The following DPP10 variants were observed in gnomAD, a reference collection of about 807,000 sequenced individuals.
DPP10 encodes the protein dipeptidyl peptidase like 10.
In DPP10, 33 loss-of-function variants were observed where a neutral mutation model predicts 120.9. The observed-to-expected ratio is 0.27, with a 90% CI of 0.21 to 0.37. DPP10 has a LOEUF of 0.37. Ranked by LOEUF, DPP10 falls within the 10% of genes least tolerant of loss-of-function variation. DPP10 has a pLI of 1.00. For missense variants in DPP10, 816 were observed against 942.8 expected (o/e 0.87, Z 1.76); for synonymous variants, 337 against 326.1 (o/e 1.03, Z -0.36).
chr2:115,384,582 G>A (rs13012913), intron 3 of DPP10, among the ~76,000 whole-genome samples: 4 of 131,698 alleles, frequency 3.0e-5, no homozygotes, highest in South Asian at 4.9e-4. Context: ...AAGAGGAAGA[G>A]GAGGAAAAGG....
intron 5 of DPP10, among the ~76,000 whole-genome samples, chr2:115,672,036 A>G (rs1312715528): frequency 6.6e-6 from 1 of 152,248 alleles, no homozygotes; most frequent in East Asian, 1.9e-4. Context: ...GAGATTGTCT[A>G]CCATCATATA....
intron 3 of DPP10, among the ~76,000 whole-genome samples, chr2:115,395,791 G>T (rs2067636786): frequency 6.6e-6 from 1 of 151,582 alleles, no homozygotes; most frequent in Non-Finnish European, 1.5e-5. Flanking sequence ...GATCCATACA[G>T]CTCGATTGTC....
chr2:114,706,875 G>A (rs1277941094), intron 1 of DPP10, among the ~76,000 whole-genome samples: 1 of 151,470 alleles, frequency 6.6e-6, no homozygotes, highest in Non-Finnish European at 1.5e-5. Context: ...ATTCTCCCAA[G>A]GAGGGGGATG....
In DPP10 at chr2:114,901,792, C is replaced by T. The variant is rs1443023801; in HGVS notation, c.61-407447C>T. On this transcript the variant is annotated intron_variant, in intron 1 of 25. Transcript: ENST00000410059. ...ATTTTAAAGAAGTGGGATCAAGAAC[C>T]TTAAGCTCTTTCTTCAAATAATAAT... 3.3e-5 allele frequency among the ~76,000 whole-genome samples: 5 copies of T among 152,288 alleles called. No homozygotes were observed. The East Asian group carries it at 7.7e-4, about 24-fold the overall frequency.
chr2:115,039,157 T>C (rs1704449233), intron 1 of DPP10, among the ~76,000 whole-genome samples: 1 of 151,948 alleles, frequency 6.6e-6, no homozygotes, highest in Admixed American at 6.5e-5. Context: ...GTAGGGAACT[T>C]AACATTTCTT....
intron 1 of DPP10, among the ~76,000 whole-genome samples, chr2:115,040,874 T>G (rs1704586297): frequency 6.6e-6 from 1 of 152,118 alleles, no homozygotes; most frequent in African/African-American, 2.4e-5. Flanking sequence ...ATCCCAGCAC[T>G]TTGGGAGGCT....
chr2:115,689,460 A>G (rs919121235), intron 5 of DPP10, among the ~76,000 whole-genome samples: 3 of 152,196 alleles, frequency 2.0e-5, no homozygotes, highest in Non-Finnish European at 4.4e-5. Context: ...CATAATCACA[A>G]TTATACTCAG....
At chr2:115,722,265 A>AT (rs540419163) in intron 7 of DPP10, among the ~76,000 whole-genome samples, 38 of 151,632 alleles carry the variant, frequency 2.5e-4, no homozygotes, top group African/African-American at 8.5e-4. Flanking sequence ...TTATCACACA[A>AT]TTTTTTTAAC....
intron 1 of DPP10, among the ~76,000 whole-genome samples, chr2:115,214,850 C>G (rs2056725674): frequency 6.6e-6 from 1 of 152,136 alleles, no homozygotes; most frequent in Admixed American, 6.5e-5. Flanking sequence ...CCCTTGCTTC[C>G]TTTGACCCCC....
chr2:115,374,985 C>T (rs1305892808), intron 3 of DPP10, among the ~76,000 whole-genome samples: 2 of 152,234 alleles, frequency 1.3e-5, no homozygotes, highest in Non-Finnish European at 2.9e-5. Flanking sequence ...CATTTTTCTC[C>T]ATTGTCTTGG....
At chr2:115,489,394 A>T (rs1247970157) in intron 3 of DPP10, among the ~76,000 whole-genome samples, 1 of 151,678 alleles carries the variant, frequency 6.6e-6, no homozygotes, top group Non-Finnish European at 1.5e-5. Flanking sequence ...AAACCTGAAA[A>T]CCTGAATTCC....
intron 1 of DPP10, among the ~76,000 whole-genome samples, chr2:114,858,536 C>A (rs548478381): frequency 6.6e-6 from 1 of 152,160 alleles, no homozygotes; most frequent in Admixed American, 6.5e-5. Context: ...TTGATTGTAT[C>A]TGAGGCTGAG....
intron 3 of DPP10, among the ~76,000 whole-genome samples, chr2:115,395,784 C>T (rs1210561054): frequency 6.6e-6 from 1 of 151,794 alleles, no homozygotes; most frequent in Non-Finnish European, 1.5e-5. Context: ...TCTAATTGAT[C>T]CATACAGCTC....
At chr2:114,891,051 AT>A (rs1692500206) in intron 1 of DPP10, among the ~76,000 whole-genome samples, 2 of 152,060 alleles carry the variant, frequency 1.3e-5, no homozygotes, top group African/African-American at 4.8e-5. Flanking sequence ...AGATGCTACT[AT>A]TTAAAATGAA....
intron 4 of DPP10, among the ~76,000 whole-genome samples, chr2:115,521,541 A>G (rs2077809727): frequency 6.6e-6 from 1 of 152,090 alleles, no homozygotes; most frequent in Non-Finnish European, 1.5e-5. Flanking sequence ...CCAATGATAA[A>G]AACTTGAAAA....
intron 1 of DPP10, among the ~76,000 whole-genome samples, chr2:114,482,523 C>T (rs530551471): frequency 9.9e-5 from 15 of 152,140 alleles, no homozygotes; most frequent in Admixed American, 3.3e-4. Context: ...AAAAGTCAGT[C>T]GGGTGGTTCT....
chr2:114,466,640 G>A (rs1679404333), intron 1 of DPP10, among the ~76,000 whole-genome samples: 2 of 152,192 alleles, frequency 1.3e-5, no homozygotes, highest in African/African-American at 4.8e-5. Flanking sequence ...ATGAATTAAT[G>A]TAGGTAAGGA....
chr2:114,965,677 C>T (rs570383201), intron 1 of DPP10, among the ~76,000 whole-genome samples: 30 of 152,006 alleles, frequency 2.0e-4, no homozygotes, highest in African/African-American at 6.3e-4. Context: ...TATGTTTCCA[C>T]GTCAGAAAGA....
At chr2:115,422,106 C>G (rs769538114) in intron 3 of DPP10, among the ~76,000 whole-genome samples, 3 of 151,980 alleles carry the variant, frequency 2.0e-5, no homozygotes, top group Admixed American at 1.3e-4. Context: ...TTAACAAACT[C>G]AAATGGATTC....
Sources: allele counts gnomAD v4.1 joint callset (sites outside exome capture counted in the v4.1 genomes callset), GRCh38; gene constraint gnomAD v4.1.1; transcripts MANE v1.5; gene names NCBI Gene and HGNC (gene_info 2026-07-23, HGNC 2026-07-21).